ACTR3: variants seen among roughly 807,000 people sequenced by gnomAD.
ACTR3 encodes actin related protein 3.
In ACTR3, 12 loss-of-function variants were observed where a neutral mutation model predicts 56.8. The ratio of observed to expected loss-of-function variants is 0.21; its 90% CI spans 0.14 to 0.34. ACTR3 has a LOEUF of 0.34. Ranked by LOEUF, ACTR3 falls within the 10% of genes least tolerant of loss-of-function variation. The pLI, the probability that ACTR3 is intolerant of heterozygous loss-of-function variation, is 1.00. For missense variants in ACTR3, 282 were observed against 512.5 expected, an observed-to-expected ratio of 0.55 and a Z score of 4.34; for synonymous variants, 162 against 167.4, an observed-to-expected ratio of 0.97 and a Z score of 0.25.
chr2:113,931,079 A>AT (rs201847062), intron 4 of ACTR3, among the ~76,000 whole-genome samples: 16 of 149,120 alleles, frequency 1.1e-4, no homozygotes, highest in East Asian at 3.9e-4. Flanking sequence ...CATTCAGGGT[A>AT]TTTTTTTTTT....
chr2:113,892,203 A>T (rs115380370), intron 1 of ACTR3, among the ~76,000 whole-genome samples: 2 of 152,340 alleles, frequency 1.3e-5, no homozygotes, highest in Non-Finnish European at 2.9e-5. Context: ...ACTGTCCTTA[A>T]GTGACCTCCT....
At chr2:113,936,156 G>A (rs910491792) in intron 6 of ACTR3, among the ~76,000 whole-genome samples, 1 of 151,942 alleles carries the variant, frequency 6.6e-6, no homozygotes, top group Admixed American at 6.6e-5. Flanking sequence ...ATTGAACGTG[G>A]TGGTTCATGA....
chr2:113,895,066 C>T (rs902415875), intron 1 of ACTR3, among the ~76,000 whole-genome samples: 4 of 105,800 alleles, frequency 3.8e-5, no homozygotes, highest in African/African-American at 3.7e-5. Flanking sequence ...GGTTCCCCCC[C>T]CCCACCCCCC....
At chr2:113,916,763 C>A in intron 2 of ACTR3, 121 bp from the exon 3 acceptor site, 1 of 758,778 alleles carries the variant, frequency 1.3e-6, no homozygotes, top group Non-Finnish European at 1.9e-6. Flanking sequence ...ATTAGTTTGA[C>A]AATTTAAATA....
intron 3 of ACTR3, among the ~76,000 whole-genome samples, chr2:113,920,705 AT>A (rs552954034): frequency 1.3e-5 from 2 of 152,062 alleles, no homozygotes; most frequent in East Asian, 3.9e-4. Flanking sequence ...CATGAAGTCA[AT>A]TTTTTTAGCT....
intron 1 of ACTR3, chr2:113,905,217 C>T (rs1175712686): frequency 6.6e-6 from 1 of 151,914 alleles, no homozygotes; most frequent in East Asian, 1.9e-4. Flanking sequence ...GTATTATTTT[C>T]TTGGTGGTAA....
chr2:113,943,592 G>A (rs752759821), intron 8 of ACTR3, among the ~76,000 whole-genome samples: 8 of 152,110 alleles, frequency 5.3e-5, no homozygotes, highest in Non-Finnish European at 1.0e-4. Flanking sequence ...AAGATGAATA[G>A]TATTTGTGGG....
chr2:113,944,679 G>A (rs951873134), intron 8 of ACTR3, among the ~76,000 whole-genome samples: 3 of 151,486 alleles, frequency 2.0e-5, no homozygotes, highest in South Asian at 2.1e-4. Context: ...GGAGAATGGC[G>A]TGAACCCAGG....
intron 1 of ACTR3, among the ~76,000 whole-genome samples, chr2:113,906,195 G>A (rs757188913): frequency 6.6e-6 from 1 of 152,098 alleles, no homozygotes; most frequent in African/African-American, 2.4e-5. Context: ...TGGGTGTAAT[G>A]GGGTATTTCA....
intron 2 of ACTR3, among the ~76,000 whole-genome samples, chr2:113,916,117 T>C (rs1295714901): frequency 1.3e-5 from 2 of 152,206 alleles, no homozygotes; most frequent in African/African-American, 2.4e-5. Flanking sequence ...CTTCCAGTTA[T>C]TTTCTGCCCA....
chr2:113,906,321 T>G (rs1453653364), intron 1 of ACTR3, among the ~76,000 whole-genome samples: 1 of 152,204 alleles, frequency 6.6e-6, no homozygotes, highest in Non-Finnish European at 1.5e-5. Flanking sequence ...TGATTGCTGA[T>G]TTTTCAGTTG....
chr2:113,897,977 G>C (rs1336059849), intron 1 of ACTR3, among the ~76,000 whole-genome samples: 1 of 152,114 alleles, frequency 6.6e-6, no homozygotes, highest in Non-Finnish European at 1.5e-5. Flanking sequence ...TCTTGGGAAG[G>C]GTTTCTGTGC....
chr2:113,921,797 T>C (rs188816812), intron 3 of ACTR3, among the ~76,000 whole-genome samples: 2 of 152,234 alleles, frequency 1.3e-5, no homozygotes, highest in African/African-American at 4.8e-5. Context: ...ATGTGGATTT[T>C]GGAGGTAAGA....
At chr2:113,891,078 T>C (rs535196276) in intron 1 of ACTR3, among the ~76,000 whole-genome samples, 1 of 152,284 alleles carries the variant, frequency 6.6e-6, no homozygotes, top group Non-Finnish European at 1.5e-5. Context: ...TTTCAGTCTT[T>C]TATACCCTTA....
chr2:113,899,734 T>A (rs1679065963), intron 1 of ACTR3, among the ~76,000 whole-genome samples: 1 of 152,218 alleles, frequency 6.6e-6, no homozygotes, highest in Non-Finnish European at 1.5e-5. Flanking sequence ...TATTTCTTTT[T>A]TGTGCATTCT....
At chr2:113,917,687 A>G (rs1679432441) in intron 3 of ACTR3, among the ~76,000 whole-genome samples, 1 of 152,174 alleles carries the variant, frequency 6.6e-6, no homozygotes, top group Non-Finnish European at 1.5e-5. Context: ...TTCCCTTCTC[A>G]TAATTTATTC....
intron 2 of ACTR3, among the ~76,000 whole-genome samples, chr2:113,915,525 A>G (rs1679389280): frequency 1.3e-5 from 2 of 152,228 alleles, no homozygotes; most frequent in African/African-American, 2.4e-5. Flanking sequence ...GTGATACACA[A>G]TTCAACCTGT....
chr2:113,914,536 G>A (rs1013423532), intron 2 of ACTR3, among the ~76,000 whole-genome samples: 22 of 151,336 alleles, frequency 1.5e-4, no homozygotes, highest in African/African-American at 5.1e-4. Context: ...GCTCGAACCC[G>A]GGAGGTGGAG....
intron 8 of ACTR3, chr2:113,950,983 T>G (rs901601065): frequency 6.5e-6 from 1 of 152,796 alleles, no homozygotes; most frequent in East Asian, 1.9e-4. Context: ...GATAAAACCA[T>G]CAGACCTTGT....
Sources: gnomAD v4.1 joint callset for allele counts (sites outside exome capture counted in the v4.1 genomes callset) on GRCh38, gnomAD v4.1.1 for gene constraint, MANE v1.5 for transcripts, NCBI Gene and HGNC (gene_info 2026-07-23, HGNC 2026-07-21) for gene names.